Variants in KCNH5 observed in about 807,000 individuals in gnomAD.
KCNH5 encodes the protein voltage-gated delayed rectifier potassium channel KCNH5.
A neutral mutation model predicts 96.1 loss-of-function variants in KCNH5; 46 were observed. That is an observed-to-expected ratio of 0.48 (90% CI 0.38 to 0.61). The LOEUF is 0.61. Among genes scored for constraint, KCNH5 ranks in the 20% least tolerant of loss-of-function variants. The pLI is 0.00. For synonymous variants in KCNH5, 439 were observed against 449.8 expected, an observed-to-expected ratio of 0.98 and a Z score of 0.30; for missense variants, 907 against 1,225.8, an observed-to-expected ratio of 0.74 and a Z score of 3.88.
chr14:62,971,011 A>C (rs1307001899), intron 6 of KCNH5, among the ~76,000 whole-genome samples: 1 of 152,148 alleles, frequency 6.6e-6, no homozygotes, highest in East Asian at 1.9e-4. Context: ...AATTCTAGCT[A>C]ATGCAATAAA....
At chr14:62,905,061 A>G (rs1889000706) in intron 7 of KCNH5, among the ~76,000 whole-genome samples, 1 of 152,216 alleles carries the variant, frequency 6.6e-6, no homozygotes, top group Non-Finnish European at 1.5e-5. Flanking sequence ...GAGCTGGTAG[A>G]GACTTTGAAA....
At chr14:62,735,335 A>G (rs1885134448) in intron 10 of KCNH5, among the ~76,000 whole-genome samples, 1 of 152,182 alleles carries the variant, frequency 6.6e-6, no homozygotes, top group Non-Finnish European at 1.5e-5. Context: ...GTTATAGGGC[A>G]AAGCAGGCAG....
At chr14:62,894,054 G>C (rs1247908861) in intron 7 of KCNH5, among the ~76,000 whole-genome samples, 3 of 152,092 alleles carry the variant, frequency 2.0e-5, no homozygotes, top group Non-Finnish European at 4.4e-5. Flanking sequence ...GCATTTTTTA[G>C]CAAGAAAGCA....
intron 6 of KCNH5, among the ~76,000 whole-genome samples, chr14:62,960,049 T>C (rs575958146): frequency 6.3e-4 from 96 of 152,288 alleles, no homozygotes; most frequent in African/African-American, 2.3e-3. Context: ...CCACTCTAGC[T>C]CCGTTCTCTT....
At chr14:62,914,950 G>A (rs185923370) in intron 7 of KCNH5, among the ~76,000 whole-genome samples, 18 of 152,320 alleles carry the variant, frequency 1.2e-4, no homozygotes, top group Middle Eastern at 3.4e-3. Context: ...GGGATTTTAC[G>A]TTCCTTGAAG....
In KCNH5 at chr14:62,816,885, A is replaced by T. The variant is rs147262456; in HGVS notation, c.1570-14304T>A. On this transcript the variant is annotated intron_variant, in intron 8 of 10. Transcript: ENST00000322893. Reference sequence around the variant, plus strand: ...AATATTTTCAAATGACCCATCTTCAAGTTCACAGATTCTCTCTTCTTCCTG... The same window carrying T: ...AATATTTTCAAATGACCCATCTTCATGTTCACAGATTCTCTCTTCTTCCTG... 7.9e-3 allele frequency among the ~76,000 whole-genome samples: 1,195 copies of T among 151,422 alleles called. 14 individuals are homozygous for T. Among genetic ancestry groups the T allele is most frequent in the Middle Eastern group, 0.041 (12 of 292 alleles).
chr14:62,822,655 T>A (rs1887138448), intron 8 of KCNH5, among the ~76,000 whole-genome samples: 1 of 145,912 alleles, frequency 6.9e-6, no homozygotes, highest in African/African-American at 2.6e-5. Context: ...GACTTAAGTG[T>A]ACTACGTAAA....
chr14:62,965,561 G>A (rs1890289918), intron 6 of KCNH5, among the ~76,000 whole-genome samples: 1 of 152,022 alleles, frequency 6.6e-6, no homozygotes, highest in Admixed American at 6.6e-5. Flanking sequence ...AGCTAAATAG[G>A]CTTCTTTTCT....
At chr14:62,748,976 C>T (rs989259964) in intron 10 of KCNH5, among the ~76,000 whole-genome samples, 4 of 152,086 alleles carry the variant, frequency 2.6e-5, no homozygotes, top group Non-Finnish European at 5.9e-5. Context: ...AAGCCGATAG[C>T]GTATCAATGG....
At chr14:63,029,980 C>T (rs79375960) in intron 1 of KCNH5, among the ~76,000 whole-genome samples, 1,751 of 152,150 alleles carry the variant, frequency 0.012, 25 homozygotes, top group African/African-American at 0.03. Context: ...GAATAACTTC[C>T]TTGAAAACAA....
At chr14:62,862,388 C>T (rs143837001) in intron 7 of KCNH5, among the ~76,000 whole-genome samples, 1 of 152,246 alleles carries the variant, frequency 6.6e-6, no homozygotes, top group Admixed American at 6.5e-5. Flanking sequence ...TGTCTTCTGG[C>T]TGATTCTCAA....
chr14:62,838,044 A>G (rs143509480), intron 8 of KCNH5, among the ~76,000 whole-genome samples: 194 of 152,290 alleles, frequency 1.3e-3, no homozygotes, highest in Non-Finnish European at 2.1e-3. Context: ...AAGGGTTACA[A>G]TATTAAACTA....
At chr14:62,802,033 C>T (rs114995559) in intron 9 of KCNH5, among the ~76,000 whole-genome samples, 408 of 152,228 alleles carry the variant, frequency 2.7e-3, no homozygotes, top group African/African-American at 9.4e-3. Context: ...AAGCCATTTT[C>T]ACACTTACTA....
intron 2 of KCNH5, among the ~76,000 whole-genome samples, chr14:63,012,269 G>GA (rs2139603079): frequency 6.6e-6 from 1 of 152,262 alleles, no homozygotes; most frequent in South Asian, 2.1e-4. Context: ...CAAAGGCGTG[G>GA]AAAATGCAGT....
At chr14:63,015,357 T>C (rs1268050619) in intron 2 of KCNH5, among the ~76,000 whole-genome samples, 1 of 151,996 alleles carries the variant, frequency 6.6e-6, no homozygotes, top group Non-Finnish European at 1.5e-5. Context: ...AGGTTTAAAC[T>C]CAATGGTATA....
At chr14:63,038,707 T>C (rs1891769182) in intron 1 of KCNH5, among the ~76,000 whole-genome samples, 1 of 152,202 alleles carries the variant, frequency 6.6e-6, no homozygotes, top group Non-Finnish European at 1.5e-5. Context: ...ATGTCTAAAA[T>C]ACACACTGAT....
At chr14:62,831,697 T>C (rs1374136262) in intron 8 of KCNH5, among the ~76,000 whole-genome samples, 2 of 152,198 alleles carry the variant, frequency 1.3e-5, no homozygotes, top group Non-Finnish European at 2.9e-5. Flanking sequence ...TAATGTGTTT[T>C]GATGAACATA....
intron 4 of KCNH5, among the ~76,000 whole-genome samples, chr14:62,988,376 T>G (rs1343822995): frequency 6.6e-6 from 1 of 151,934 alleles, no homozygotes; most frequent in East Asian, 1.9e-4. Context: ...TCAGATGATA[T>G]GACAAAAAAA....
intron 6 of KCNH5, among the ~76,000 whole-genome samples, chr14:62,954,505 C>T (rs1032144105): frequency 1.3e-5 from 2 of 152,116 alleles, no homozygotes; most frequent in African/African-American, 2.4e-5. Flanking sequence ...TTTTATGAAA[C>T]AAGCAAATGT....
Sources: gnomAD v4.1 joint callset for allele counts (sites outside exome capture counted in the v4.1 genomes callset) on GRCh38, gnomAD v4.1.1 for gene constraint, MANE v1.5 for transcripts, NCBI Gene and HGNC (gene_info 2026-07-23, HGNC 2026-07-21) for gene names.